GALNT7: variants seen among roughly 807,000 people sequenced by gnomAD.
The protein encoded by GALNT7 is polypeptide N-acetylgalactosaminyltransferase 7.
A neutral mutation model predicts 82.1 loss-of-function variants in GALNT7; 60 were observed. The ratio of observed to expected loss-of-function variants is 0.73; its 90% CI spans 0.59 to 0.91. The LOEUF (loss-of-function observed/expected upper bound fraction) is 0.91. Among genes scored for constraint, GALNT7 ranks in the 40% least tolerant of loss-of-function variants. GALNT7 has a pLI of 0.00. For synonymous variants in GALNT7, 243 were observed against 275.1 expected, an observed-to-expected ratio of 0.88 and a Z score of 1.15; for missense variants, 660 against 804.2, an observed-to-expected ratio of 0.82 and a Z score of 2.17.
intron 1 of GALNT7, among the ~76,000 whole-genome samples, chr4:173,183,717 C>G (rs1428355579): frequency 6.6e-6 from 1 of 150,692 alleles, no homozygotes; most frequent in Admixed American, 6.6e-5. Context: ...ACCTCCCAGA[C>G]GGGGCGGCGG....
chr4:173,213,116 C>A (rs936352167), intron 1 of GALNT7, among the ~76,000 whole-genome samples: 3 of 151,958 alleles, frequency 2.0e-5, no homozygotes, highest in Non-Finnish European at 4.4e-5. Flanking sequence ...TTTAAGTTGA[C>A]GAGATGATAA....
chr4:173,208,380 A>G (rs1443934215), intron 1 of GALNT7, among the ~76,000 whole-genome samples: 3 of 152,140 alleles, frequency 2.0e-5, no homozygotes, highest in Non-Finnish European at 4.4e-5. Flanking sequence ...TTATCCTATT[A>G]ATATTTGATA....
rs183336314 is a variant in GALNT7 at position 173,321,736 on chromosome 4, A to G, written c.*19A>G. ...TGTTTAGAGAGAAAAAAATAAACCA[A>G]TAACCTACCTACTGACAAGTAAATT... On this transcript the variant is annotated 3_prime_UTR_variant, in exon 12 of 12. Coordinates refer to ENST00000265000, the MANE Select transcript of GALNT7 (RefSeq NM_017423.3). 1.7e-4 allele frequency: 274 copies of G among 1,567,424 alleles called. No homozygotes were observed. Among genetic ancestry groups the G allele is most frequent in the Middle Eastern group, 5.0e-4 (3 of 5,974 alleles).
At chr4:173,211,595 C>G (rs1192577339) in intron 1 of GALNT7, among the ~76,000 whole-genome samples, 1 of 152,200 alleles carries the variant, frequency 6.6e-6, no homozygotes, top group Non-Finnish European at 1.5e-5. Flanking sequence ...AAGGGAGTTT[C>G]AAGTTACTCT....
At chr4:173,213,381 A>T (rs117617819) in intron 1 of GALNT7, among the ~76,000 whole-genome samples, 1 of 152,088 alleles carries the variant, frequency 6.6e-6, no homozygotes, top group Non-Finnish European at 1.5e-5. Flanking sequence ...TCAGAAGATT[A>T]TCAGGTTTAA....
intron 1 of GALNT7, among the ~76,000 whole-genome samples, chr4:173,179,847 C>T (rs905864251): frequency 2.0e-5 from 3 of 152,152 alleles, no homozygotes; most frequent in African/African-American, 7.2e-5. Context: ...AAAAAGAAGT[C>T]CTTAAGTCAT....
At chr4:173,176,973 T>C (rs1277543033) in intron 1 of GALNT7, among the ~76,000 whole-genome samples, 1 of 152,124 alleles carries the variant, frequency 6.6e-6, no homozygotes, top group African/African-American at 2.4e-5. Context: ...AGAAACTGAA[T>C]ACAGAGGAAG....
intron 1 of GALNT7, among the ~76,000 whole-genome samples, chr4:173,222,121 G>C (rs1221677688): frequency 6.6e-6 from 1 of 152,138 alleles, no homozygotes; most frequent in Admixed American, 6.5e-5. Context: ...CTAGGCCATG[G>C]TATCAGCGCG....
At chr4:173,284,415 G>A (rs769649802) in intron 2 of GALNT7, among the ~76,000 whole-genome samples, 35 of 152,206 alleles carry the variant, frequency 2.3e-4, no homozygotes, top group Non-Finnish European at 4.1e-4. Context: ...TAGAACCTTA[G>A]ACATCCCATA....
At chr4:173,260,110 C>G (rs1406337223) in intron 2 of GALNT7, among the ~76,000 whole-genome samples, 1 of 152,006 alleles carries the variant, frequency 6.6e-6, no homozygotes, top group African/African-American at 2.4e-5. Flanking sequence ...AGTTACATAC[C>G]ATCGAATGCC....
intron 2 of GALNT7, among the ~76,000 whole-genome samples, chr4:173,276,442 A>G (rs1425360385): frequency 6.6e-6 from 1 of 152,334 alleles, no homozygotes; most frequent in Admixed American, 6.5e-5. Flanking sequence ...AAGAAGAGAA[A>G]GTCTTCAAGG....
chr4:173,294,975 T>C (rs572803105), intron 3 of GALNT7, among the ~76,000 whole-genome samples: 1 of 152,314 alleles, frequency 6.6e-6, no homozygotes, highest in Non-Finnish European at 1.5e-5. Context: ...ACCTATACCC[T>C]GTGTGGATTC....
chr4:173,231,723 T>G (rs1561164899), intron 1 of GALNT7, among the ~76,000 whole-genome samples: 1 of 152,144 alleles, frequency 6.6e-6, no homozygotes, highest in Non-Finnish European at 1.5e-5. Flanking sequence ...AGGCAGGCCC[T>G]CCTTTAAATA....
At chr4:173,220,526 GT>G (rs1164208261) in intron 1 of GALNT7, among the ~76,000 whole-genome samples, 1 of 151,906 alleles carries the variant, frequency 6.6e-6, no homozygotes, top group African/African-American at 2.4e-5. Flanking sequence ...TATACTTTAA[GT>G]TTTAGGGTAC....
At chr4:173,207,042 A>G (rs1472544236) in intron 1 of GALNT7, among the ~76,000 whole-genome samples, 9 of 152,356 alleles carry the variant, frequency 5.9e-5, no homozygotes, top group Non-Finnish European at 2.9e-5. Flanking sequence ...CCATCCAACA[A>G]GCGGACTCTA....
intron 1 of GALNT7, among the ~76,000 whole-genome samples, chr4:173,215,042 T>G (rs1038356173): frequency 9.9e-5 from 15 of 152,284 alleles, no homozygotes; most frequent in African/African-American, 3.1e-4. Flanking sequence ...TCCCCTGCTT[T>G]CTTTCTTCCC....
intron 1 of GALNT7, among the ~76,000 whole-genome samples, chr4:173,175,937 G>A (rs1235823307): frequency 1.3e-5 from 2 of 152,108 alleles, no homozygotes; most frequent in South Asian, 2.1e-4. Context: ...GCCAGGCATG[G>A]TAGCACACCC....
intron 1 of GALNT7, among the ~76,000 whole-genome samples, chr4:173,245,868 CT>C (rs971358620): frequency 4.6e-5 from 7 of 152,144 alleles, no homozygotes; most frequent in African/African-American, 9.7e-5. Flanking sequence ...AAAAAACAGC[CT>C]TCTACTCACT....
intron 2 of GALNT7, among the ~76,000 whole-genome samples, chr4:173,266,713 C>T (rs904936055): frequency 6.6e-6 from 1 of 151,992 alleles, no homozygotes; most frequent in African/African-American, 2.4e-5. Flanking sequence ...AAAATCCTGC[C>T]ATTTTCGGCA....
Sources: allele counts gnomAD v4.1 joint callset (sites outside exome capture counted in the v4.1 genomes callset), GRCh38; gene constraint gnomAD v4.1.1; transcripts MANE v1.5; gene names NCBI Gene and HGNC (gene_info 2026-07-23, HGNC 2026-07-21).